PHACTR1: variants seen among roughly 807,000 people sequenced by gnomAD.
PHACTR1 encodes the protein phosphatase and actin regulator 1.
PHACTR1 carries 16 observed loss-of-function variants against 69.2 expected under a neutral mutation model. The observed-to-expected ratio is 0.23, with a 90% CI of 0.16 to 0.35. PHACTR1 has a LOEUF of 0.35. Ranked by LOEUF, PHACTR1 falls within the 10% of genes least tolerant of loss-of-function variation. The probability of loss-of-function intolerance (pLI) is 1.00; values close to 1 mark genes in which losing one functional copy is unlikely to be tolerated. For missense variants in PHACTR1, 510 were observed against 734.7 expected (o/e 0.69, Z 3.54); for synonymous variants, 312 against 284.5 (o/e 1.10, Z -0.97).
Position 13,230,128 on chromosome 6 carries a change from C to T in PHACTR1, c.1326C>T (p.Ile442=). The change falls in exon 10 of 15, where the codon ATC becomes ATT. Residue 442 remains isoleucine (I), a synonymous_variant. Coordinates refer to ENST00000332995, the MANE Select transcript of PHACTR1 (RefSeq NM_030948.6). ...PSKRELEEKN[I]LPRQTDEERL... Reference sequence around the variant, plus strand: ...AGCGAGAGCTGGAAGAAAAGAACATCCTTCCCAGGCAGACGGATGAGGAGC... The same window carrying T: ...AGCGAGAGCTGGAAGAAAAGAACATTCTTCCCAGGCAGACGGATGAGGAGC... The T allele has an allele frequency of 6.2e-7, 1 of 1,611,740 alleles. No homozygotes were observed. The highest frequency in any genetic ancestry group is 8.5e-7 in the Non-Finnish European group (1 of 1,179,110).
At chr6:12,804,141 A>G (rs190176289) in intron 4 of PHACTR1, among the ~76,000 whole-genome samples, 1 of 152,312 alleles carries the variant, frequency 6.6e-6, no homozygotes, top group Non-Finnish European at 1.5e-5. Flanking sequence ...ACAAAACATT[A>G]TCTGGTACCA....
chr6:12,844,423 A>G (rs1778998389), intron 4 of PHACTR1, among the ~76,000 whole-genome samples: 1 of 152,020 alleles, frequency 6.6e-6, no homozygotes, highest in African/African-American at 2.4e-5. Flanking sequence ...ACAAATAAAT[A>G]AATAAAATAA....
At chr6:12,977,535 A>G (rs367896789) in intron 4 of PHACTR1, among the ~76,000 whole-genome samples, 4 of 152,224 alleles carry the variant, frequency 2.6e-5, no homozygotes, top group African/African-American at 9.6e-5. Flanking sequence ...CCTTGGCTTT[A>G]CAAGGATGGA....
intron 4 of PHACTR1, among the ~76,000 whole-genome samples, chr6:12,859,057 A>C (rs372185395): frequency 1.3e-5 from 2 of 152,228 alleles, no homozygotes; most frequent in East Asian, 3.8e-4. Flanking sequence ...TGGCTGCCTT[A>C]TTCCAAAACC....
intron 5 of PHACTR1, among the ~76,000 whole-genome samples, chr6:13,135,540 A>T (rs1244630738): frequency 6.6e-6 from 1 of 152,222 alleles, no homozygotes; most frequent in African/African-American, 2.4e-5. Context: ...TTTCATCTGG[A>T]TACATTTGCA....
intron 10 of PHACTR1, among the ~76,000 whole-genome samples, chr6:13,244,818 A>G (rs1198637981): frequency 6.6e-6 from 1 of 152,206 alleles, no homozygotes; most frequent in Non-Finnish European, 1.5e-5. Flanking sequence ...CATAGTCCTG[A>G]GGCGACATAC....
At chr6:12,848,482 T>A (rs1168929527) in intron 4 of PHACTR1, among the ~76,000 whole-genome samples, 2 of 152,216 alleles carry the variant, frequency 1.3e-5, no homozygotes, top group Non-Finnish European at 2.9e-5. Context: ...AAAAATCTAA[T>A]GTAACTCGTA....
intron 8 of PHACTR1, among the ~76,000 whole-genome samples, chr6:13,218,851 G>A (rs1349338232): frequency 1.5e-5 from 2 of 133,038 alleles, no homozygotes; most frequent in Non-Finnish European, 3.2e-5. Flanking sequence ...AGGAGGAGGA[G>A]GAAAGAGAAG....
chr6:12,727,078 C>A (rs567527165), intron 3 of PHACTR1, among the ~76,000 whole-genome samples: 56 of 152,238 alleles, frequency 3.7e-4, no homozygotes, highest in African/African-American at 1.2e-3. Flanking sequence ...TCACCCTAGT[C>A]AGGAAGCAGT....
At chr6:12,921,833 G>GGGAGGGAGAGAGGGAGGGAGGGAGGGAT (rs373418327) in intron 4 of PHACTR1, among the ~76,000 whole-genome samples, 4 of 46,904 alleles carry the variant, frequency 8.5e-5, no homozygotes, top group African/African-American at 3.8e-4. Flanking sequence ...AAGGAAGGAA[G>GGGAGGGAGAGAGGGAGGGAGGGAGGGAT]GGAGGGAGAG....
At chr6:12,893,433 G>C (rs915108081) in intron 4 of PHACTR1, among the ~76,000 whole-genome samples, 1 of 152,178 alleles carries the variant, frequency 6.6e-6, no homozygotes, top group Non-Finnish European at 1.5e-5. Flanking sequence ...AGGTTCACTT[G>C]CTTTCATTCA....
At chr6:12,884,889 CATAA>C (rs1783482312) in intron 4 of PHACTR1, among the ~76,000 whole-genome samples, 1 of 152,154 alleles carries the variant, frequency 6.6e-6, no homozygotes, top group Admixed American at 6.5e-5. Flanking sequence ...AAAGACTAAT[CATAA>C]ATAAACACTT....
chr6:12,950,695 T>C (rs560691076), intron 4 of PHACTR1, among the ~76,000 whole-genome samples: 261 of 152,174 alleles, frequency 1.7e-3, no homozygotes, highest in Admixed American at 2.6e-3. Flanking sequence ...CCAACCTGGC[T>C]AGGATCATTC....
intron 4 of PHACTR1, among the ~76,000 whole-genome samples, chr6:12,926,539 G>A (rs948388302): frequency 6.6e-6 from 1 of 152,078 alleles, no homozygotes; most frequent in Admixed American, 6.5e-5. Flanking sequence ...CACGGTCCAG[G>A]CTCCACCTGC....
intron 4 of PHACTR1, among the ~76,000 whole-genome samples, chr6:13,035,921 A>G (rs1803231812): frequency 6.6e-6 from 1 of 152,244 alleles, no homozygotes; most frequent in Non-Finnish European, 1.5e-5. Flanking sequence ...CACAAACGTA[A>G]TATTTATATT....
chr6:12,821,987 A>G (rs1406441979), intron 4 of PHACTR1, among the ~76,000 whole-genome samples: 2 of 152,244 alleles, frequency 1.3e-5, no homozygotes, highest in Admixed American at 6.5e-5. Flanking sequence ...TGTAAGCCCC[A>G]TGAGGAGACC....
At chr6:13,248,969 A>T (rs574716231) in intron 10 of PHACTR1, among the ~76,000 whole-genome samples, 1 of 152,238 alleles carries the variant, frequency 6.6e-6, no homozygotes, top group Non-Finnish European at 1.5e-5. Context: ...AGTGATAAGG[A>T]TGATGAAGAA....
intron 4 of PHACTR1, among the ~76,000 whole-genome samples, chr6:12,784,447 TAC>T (rs1771252363): frequency 6.6e-6 from 1 of 151,822 alleles, no homozygotes; most frequent in African/African-American, 2.4e-5. Context: ...CACATATCTA[TAC>T]ACATATACCT....
chr6:13,025,170 G>A lies in PHACTR1; in HGVS notation c.251-28195G>A, dbSNP rs74644328. On this transcript the variant is annotated intron_variant, in intron 4 of 14. Transcript: ENST00000332995. Reference sequence around the variant, plus strand: ...CTTGGGAGGCTGAGGTAGGAGGATTGCTTGAGCTGGGGAGGTTGAGGCTGC... The same window carrying A: ...CTTGGGAGGCTGAGGTAGGAGGATTACTTGAGCTGGGGAGGTTGAGGCTGC... Among the ~76,000 whole-genome samples the A allele has an allele frequency of 3.4e-3, 520 of 152,190 alleles. 2 individuals carry two copies. The highest frequency in any genetic ancestry group is 0.012 in the African/African-American group (497 of 41,518).
Sources: gnomAD v4.1 joint callset for allele counts (sites outside exome capture counted in the v4.1 genomes callset) on GRCh38, gnomAD v4.1.1 for gene constraint, MANE v1.5 for transcripts, NCBI Gene and HGNC (gene_info 2026-07-23, HGNC 2026-07-21) for gene names.